The following NFIB variants were observed in gnomAD, a reference collection of about 807,000 sequenced individuals.
NFIB encodes the protein nuclear factor I B.
In NFIB, 11 loss-of-function variants were observed where a neutral mutation model predicts 61.5. The observed-to-expected ratio is 0.18, with a 90% CI of 0.11 to 0.30. The LOEUF is 0.30. NFIB is among the 10% of genes least tolerant of loss of function. NFIB has a pLI of 1.00. For synonymous variants in NFIB, 260 were observed against 216.5 expected (o/e 1.20, Z -1.76); for missense variants, 471 against 608.9 (o/e 0.77, Z 2.38).
At chr9:14,414,928 T>C in the NFIB span, among the ~76,000 whole-genome samples, 4 of 152,180 alleles carry the variant, frequency 2.6e-5, no homozygotes, top group Admixed American at 6.5e-5. Context: ...GCCATTCTAT[T>C]AGTTTCCTCT....
At chr9:14,530,566 C>T in the NFIB span, among the ~76,000 whole-genome samples, 1 of 152,140 alleles carries the variant, frequency 6.6e-6, no homozygotes, top group Non-Finnish European at 1.5e-5. Context: ...GAGAAGGACT[C>T]AGCTTCCAGG....
intron 1 of NFIB, among the ~76,000 whole-genome samples, chr9:14,345,706 C>A (rs2061009253): frequency 6.6e-6 from 1 of 152,098 alleles, no homozygotes; most frequent in South Asian, 2.1e-4. Flanking sequence ...GAGTTTGGTA[C>A]TTAAAAGCCC....
At chr9:14,149,722 T>C (rs1282417060) in intron 5 of NFIB, among the ~76,000 whole-genome samples, 1 of 152,174 alleles carries the variant, frequency 6.6e-6, no homozygotes, top group Non-Finnish European at 1.5e-5. Context: ...GCTAGGTAAA[T>C]GACACATTTT....
the NFIB span, among the ~76,000 whole-genome samples, chr9:14,523,008 A>C: frequency 6.6e-6 from 1 of 152,156 alleles, no homozygotes; most frequent in Non-Finnish European, 1.5e-5. Flanking sequence ...TTCACTTTAA[A>C]ATATCTGAAA....
At chr9:14,188,144 G>T (rs2047580105) in intron 2 of NFIB, among the ~76,000 whole-genome samples, 1 of 152,184 alleles carries the variant, frequency 6.6e-6, no homozygotes, top group African/African-American at 2.4e-5. Flanking sequence ...CAAGATTGCT[G>T]ACTTTCTACA....
At chr9:14,198,009 C>T (rs1282767071) in intron 2 of NFIB, among the ~76,000 whole-genome samples, 1 of 152,170 alleles carries the variant, frequency 6.6e-6, no homozygotes, top group Non-Finnish European at 1.5e-5. Context: ...CTACGTTGAA[C>T]TTTCCTGGAG....
intron 2 of NFIB, among the ~76,000 whole-genome samples, chr9:14,257,609 A>G (rs1310371405): frequency 6.6e-6 from 1 of 152,150 alleles, no homozygotes; most frequent in East Asian, 1.9e-4. Flanking sequence ...ACAAAAAATT[A>G]GCCGGGCATG....
intron 6 of NFIB, among the ~76,000 whole-genome samples, chr9:14,140,849 A>C (rs2041616141): frequency 6.6e-6 from 1 of 152,076 alleles, no homozygotes; most frequent in Non-Finnish European, 1.5e-5. Context: ...TGGGAGGATC[A>C]CTTGAACCTG....
chr9:14,142,065 G>C (rs1237244525), intron 6 of NFIB, among the ~76,000 whole-genome samples: 1 of 152,066 alleles, frequency 6.6e-6, no homozygotes, highest in Admixed American at 6.6e-5. Context: ...GTGGCAAAGT[G>C]ACCTTATAAA....
At chr9:14,272,801 T>A (rs1293505404) in intron 2 of NFIB, among the ~76,000 whole-genome samples, 1 of 151,998 alleles carries the variant, frequency 6.6e-6, no homozygotes, top group African/African-American at 2.4e-5. Context: ...CCTTTGAGGT[T>A]TAATATATTA....
chr9:14,344,134 G>GAGAGAGAGAGAGAGAA (rs1248077284), intron 1 of NFIB, among the ~76,000 whole-genome samples: 9 of 148,130 alleles, frequency 6.1e-5, no homozygotes, highest in African/African-American at 2.3e-4. Flanking sequence ...GAGAGAGAGA[G>GAGAGAGAGAGAGAGAA]AAACACTAAG....
chr9:14,093,721 T>C (rs949188442), intron 10 of NFIB, among the ~76,000 whole-genome samples: 22 of 152,078 alleles, frequency 1.4e-4, no homozygotes, highest in African/African-American at 5.1e-4. Flanking sequence ...TCCTTATTAA[T>C]TGCTGAAAAC....
At chr9:14,469,455 A>C in the NFIB span, among the ~76,000 whole-genome samples, 2 of 152,198 alleles carry the variant, frequency 1.3e-5, no homozygotes, top group African/African-American at 4.8e-5. Flanking sequence ...TAGGTATCAA[A>C]TCAGTGAGTT....
At chr9:14,409,794 G>C in the NFIB span, among the ~76,000 whole-genome samples, 1 of 152,202 alleles carries the variant, frequency 6.6e-6, no homozygotes, top group East Asian at 1.9e-4. Flanking sequence ...AATTGGACTT[G>C]AAGTATAATT....
chr9:14,302,359 G>C (rs558335217), intron 2 of NFIB, among the ~76,000 whole-genome samples: 17 of 152,246 alleles, frequency 1.1e-4, no homozygotes, highest in Admixed American at 1.1e-3. Flanking sequence ...CAGTAATAAT[G>C]ATTATGACTT....
upstream of NFIB, among the ~76,000 whole-genome samples, chr9:14,317,982 A>T (rs2060579218): frequency 6.6e-6 from 1 of 152,162 alleles, no homozygotes; most frequent in Admixed American, 6.5e-5. Context: ...AATGGGCCAA[A>T]CACTTCTTAA....
At chr9:14,210,428 G>C (rs927998269) in intron 2 of NFIB, among the ~76,000 whole-genome samples, 4 of 151,854 alleles carry the variant, frequency 2.6e-5, no homozygotes, top group Admixed American at 2.6e-4. Flanking sequence ...AACTTAAAAA[G>C]TGATTAAAAC....
At chr9:14,155,742 CTT>C in intron 4 of NFIB, 81 bp downstream of exon 4, 2 of 800,884 alleles carry the variant, frequency 2.5e-6, no homozygotes, top group South Asian at 3.8e-5. Context: ...TGTGGTCACT[CTT>C]TATACTACAT....
intron 6 of NFIB, 46 bp from the exon 7 acceptor site, chr9:14,125,812 C>T (rs2039571202): frequency 6.3e-7 from 1 of 1,595,464 alleles, no homozygotes; most frequent in African/African-American, 1.4e-5. Context: ...CTTTCTTAAG[C>T]TCTAAGGTTC....
Sources: gnomAD v4.1 joint callset for allele counts (sites outside exome capture counted in the v4.1 genomes callset) on GRCh38, gnomAD v4.1.1 for gene constraint, MANE v1.5 for transcripts, NCBI Gene and HGNC (gene_info 2026-07-23, HGNC 2026-07-21) for gene names.